The following HS6ST3 variants were observed in gnomAD, a reference collection of about 807,000 sequenced individuals.
HS6ST3 encodes the protein heparan sulfate 6-O-sulfotransferase 3, also known as heparan-sulfate 6-O-sulfotransferase 3.
In HS6ST3, 12 loss-of-function variants were observed where a neutral mutation model predicts 36.7. The observed-to-expected ratio is 0.33, with a 90% CI of 0.21 to 0.53. The LOEUF (loss-of-function observed/expected upper bound fraction) is 0.53, where lower values mean the gene tolerates loss of function less well. HS6ST3 is among the 20% of genes least tolerant of loss of function. The probability of loss-of-function intolerance (pLI) is 0.95; values close to 1 mark genes in which losing one functional copy is unlikely to be tolerated. For missense variants in HS6ST3, 584 were observed against 640.9 expected (o/e 0.91, Z 0.96); for synonymous variants, 240 against 257.5 (o/e 0.93, Z 0.65).
chr13:96,722,520 A>G (rs1360675385), intron 1 of HS6ST3, among the ~76,000 whole-genome samples: 2 of 152,128 alleles, frequency 1.3e-5, no homozygotes, highest in Non-Finnish European at 2.9e-5. Context: ...TCTATTTTCA[A>G]CTGTAGAAAG....
At chr13:96,744,772 G>T (rs973243459) in intron 1 of HS6ST3, among the ~76,000 whole-genome samples, 5 of 152,090 alleles carry the variant, frequency 3.3e-5, no homozygotes, top group Admixed American at 6.6e-5. Flanking sequence ...AATGTGACCA[G>T]ATTTTCCCAT....
chr13:96,548,101 C>T (rs907781114), intron 1 of HS6ST3, among the ~76,000 whole-genome samples: 14 of 152,144 alleles, frequency 9.2e-5, no homozygotes, highest in Non-Finnish European at 1.9e-4. Flanking sequence ...CTGCACGCCC[C>T]CCACACCGTG....
intron 1 of HS6ST3, among the ~76,000 whole-genome samples, chr13:96,700,751 G>C (rs1042877908): frequency 2.0e-4 from 31 of 152,108 alleles, no homozygotes; most frequent in Non-Finnish European, 3.7e-4. Context: ...ATTCCTTCTG[G>C]CTCCAAAGAG....
At chr13:96,491,971 C>A (rs1225085490) in intron 1 of HS6ST3, among the ~76,000 whole-genome samples, 1 of 152,142 alleles carries the variant, frequency 6.6e-6, no homozygotes, top group Non-Finnish European at 1.5e-5. Flanking sequence ...CTACTTACCC[C>A]ACTTAGTGGT....
intron 1 of HS6ST3, among the ~76,000 whole-genome samples, chr13:96,529,147 A>G (rs556372867): frequency 6.9e-4 from 105 of 152,308 alleles, no homozygotes; most frequent in African/African-American, 2.4e-3. Flanking sequence ...TAGGAATTTA[A>G]GGAGTCCTTG....
chr13:96,104,263 A>T (rs1018847309), intron 1 of HS6ST3, among the ~76,000 whole-genome samples: 2 of 152,164 alleles, frequency 1.3e-5, no homozygotes, highest in African/African-American at 4.8e-5. Context: ...TTGCAATAAG[A>T]TCTACTGGCA....
chr13:96,581,474 G>A (rs142517892), intron 1 of HS6ST3, among the ~76,000 whole-genome samples: 4 of 151,934 alleles, frequency 2.6e-5, no homozygotes, highest in South Asian at 4.2e-4. Flanking sequence ...TGCCTGCCTC[G>A]GCCTCCCAAA....
intron 1 of HS6ST3, among the ~76,000 whole-genome samples, chr13:96,304,233 T>G (rs994501489): frequency 6.6e-6 from 1 of 152,102 alleles, no homozygotes; most frequent in African/African-American, 2.4e-5. Flanking sequence ...TGATTGGCCC[T>G]CACGTTACTA....
At chr13:96,609,472 C>T (rs2056450135) in intron 1 of HS6ST3, among the ~76,000 whole-genome samples, 1 of 152,064 alleles carries the variant, frequency 6.6e-6, no homozygotes, top group African/African-American at 2.4e-5. Flanking sequence ...AACCTGCATT[C>T]AGAGAGATGA....
At chr13:96,743,888 T>C (rs1170429398) in intron 1 of HS6ST3, among the ~76,000 whole-genome samples, 9 of 152,224 alleles carry the variant, frequency 5.9e-5, no homozygotes, top group Non-Finnish European at 8.8e-5. Flanking sequence ...TCATGCTTTT[T>C]GACTCCCCTT....
At chr13:96,522,893 A>T (rs2056099347) in intron 1 of HS6ST3, among the ~76,000 whole-genome samples, 1 of 152,032 alleles carries the variant, frequency 6.6e-6, no homozygotes, top group Non-Finnish European at 1.5e-5. Context: ...TGTGAATTTG[A>T]TCCTGTCATT....
chr13:96,215,669 CTTTA>C (rs1206074732), intron 1 of HS6ST3, among the ~76,000 whole-genome samples: 1 of 150,812 alleles, frequency 6.6e-6, no homozygotes, highest in South Asian at 2.1e-4. Flanking sequence ...TTTTTTTTCC[CTTTA>C]TTTTTTTTTA....
intron 1 of HS6ST3, among the ~76,000 whole-genome samples, chr13:96,621,340 T>TG (rs2138994843): frequency 6.6e-6 from 1 of 152,272 alleles, no homozygotes; most frequent in East Asian, 1.9e-4. Context: ...TGATAGTGAG[T>TG]GAATTCTCAC....
At chr13:96,694,809 A>G (rs1393506282) in intron 1 of HS6ST3, among the ~76,000 whole-genome samples, 3 of 151,990 alleles carry the variant, frequency 2.0e-5, no homozygotes, top group Admixed American at 6.6e-5. Context: ...GCTTTTTTTC[A>G]TATGCTTTTT....
chr13:96,687,231 T>C (rs1243688654), intron 1 of HS6ST3, among the ~76,000 whole-genome samples: 2 of 152,004 alleles, frequency 1.3e-5, no homozygotes, highest in African/African-American at 4.8e-5. Flanking sequence ...AGTGAATAAA[T>C]TGTTTTATTC....
At chr13:96,688,274 A>G (rs982234219) in intron 1 of HS6ST3, among the ~76,000 whole-genome samples, 4 of 151,742 alleles carry the variant, frequency 2.6e-5, no homozygotes, top group Non-Finnish European at 4.4e-5. Flanking sequence ...AAATTTGTCA[A>G]CAAATGCCTT....
At chr13:96,426,628 T>G (rs1186447783) in intron 1 of HS6ST3, among the ~76,000 whole-genome samples, 2 of 152,240 alleles carry the variant, frequency 1.3e-5, no homozygotes, top group African/African-American at 2.4e-5. Context: ...CTTTTTTTAG[T>G]AAAATGATTG....
intron 1 of HS6ST3, among the ~76,000 whole-genome samples, chr13:96,299,260 G>A (rs1489989202): frequency 6.6e-6 from 1 of 152,190 alleles, no homozygotes; most frequent in Non-Finnish European, 1.5e-5. Flanking sequence ...AAAAGTCTAC[G>A]GAGGTAGGAC....
intron 1 of HS6ST3, among the ~76,000 whole-genome samples, chr13:96,161,625 A>G (rs1209746161): frequency 2.6e-5 from 4 of 152,220 alleles, no homozygotes; most frequent in African/African-American, 9.6e-5. Context: ...CAGATGAGCT[A>G]TGTTTAGTTC....
Sources: allele counts gnomAD v4.1 joint callset (sites outside exome capture counted in the v4.1 genomes callset), GRCh38; gene constraint gnomAD v4.1.1; transcripts MANE v1.5; gene names NCBI Gene and HGNC (gene_info 2026-07-23, HGNC 2026-07-21).